Variants in HEYL observed in about 807,000 individuals in gnomAD.
The protein encoded by HEYL is hes related family bHLH transcription factor with YRPW motif like.
Under a neutral mutation model 18.6 loss-of-function variants are expected in HEYL, and 12 were observed. The observed-to-expected ratio is 0.65, with a 90% confidence interval of 0.41 to 1.05. The LOEUF (loss-of-function observed/expected upper bound fraction) is 1.05. Ranked by LOEUF, HEYL falls within the 50% of genes least tolerant of loss-of-function variation. HEYL has a pLI of 0.00. For synonymous variants in HEYL, 159 were observed against 179.6 expected (o/e 0.89, Z 0.91); for missense variants, 420 against 444.7 (o/e 0.94, Z 0.50).
intron 1 of HEYL, among the ~76,000 whole-genome samples, chr1:39,634,181 C>T (rs555486842): frequency 5.9e-5 from 9 of 152,232 alleles, no homozygotes; most frequent in South Asian, 2.1e-4. Flanking sequence ...CTACAACCTC[C>T]GCCACCCGGT....
intron 1 of HEYL, 41 bp from the exon 2 acceptor site, chr1:39,632,756 A>G (rs528765528): frequency 2.5e-6 from 4 of 1,610,588 alleles, no homozygotes; most frequent in Middle Eastern, 1.7e-4. Flanking sequence ...GGGCTGGGGG[A>G]CAGTCTCCCC....
At position 39,625,042 on chromosome 1, in the gene HEYL, A is replaced by G. The variant is rs1187193111; in HGVS notation, c.*1465T>C. On this transcript the variant is annotated 3_prime_UTR_variant, in exon 5 of 5. Coordinates refer to ENST00000372852, the MANE Select transcript of HEYL (RefSeq NM_014571.4). ...TCTTCCCAGGGGTGACAACTGAAGT[A>G]TCTAACCAGTGTGGAATGAGCACCA... The G allele has an allele frequency of 6.6e-6, 1 of 152,178 alleles. No individual in the cohort carries two copies. The allele number at this position is 152,178 out of a possible 1,614,324, so 9.4% of individuals were successfully genotyped here.
rs2124097690 is a variant in HEYL at position 39,623,852 on chromosome 1, A to C, written c.*2655T>G. Among the ~76,000 whole-genome samples the C allele has an allele frequency of 6.6e-6, 1 of 152,352 alleles. No homozygotes were observed. The highest frequency in any genetic ancestry group is 2.1e-4 in the South Asian group (1 of 4,826). On this transcript the variant is annotated 3_prime_UTR_variant, in exon 5 of 5. Coordinates refer to ENST00000372852, the MANE Select transcript of HEYL (RefSeq NM_014571.4). ...AAGGAAGGGCAGGTGGCAGAAGCTC[A>C]GGGAGCAAGTCTGGGACTGGCAAGA...
intron 1 of HEYL, among the ~76,000 whole-genome samples, chr1:39,635,049 T>A (rs1646355438): frequency 6.6e-6 from 1 of 152,240 alleles, no homozygotes; most frequent in African/African-American, 2.4e-5. Context: ...ATCATTTTCA[T>A]CAACTGCTCA....
rs2124106469 is a variant in HEYL at position 39,627,089 on chromosome 1, A to G, written c.405T>C (p.Leu135=). 1 of 1,614,140 alleles carries G rather than the reference A, an allele frequency of 6.2e-7. No individual in the cohort carries two copies. The highest frequency in any genetic ancestry group is 8.5e-7 in the Non-Finnish European group (1 of 1,179,980). The change falls in exon 5 of 5, where the codon CTT becomes CTC. Residue 135 remains leucine (L), a synonymous_variant. Coordinates refer to ENST00000372852, the MANE Select transcript of HEYL (RefSeq NM_014571.4). ...GGTCTGCACGGCTGCTGGGCCCTTC[A>G]AGGACCCCCAGGTACCTGATGACCT... ...LTEVIRYLGV[L]EGPSSRADPV... is the part of the protein sequence containing the mutation.
intron 1 of HEYL, 144 bp from the exon 2 acceptor site, chr1:39,632,859 C>A: frequency 2.0e-6 from 3 of 1,502,146 alleles, no homozygotes; most frequent in East Asian, 2.3e-5. Flanking sequence ...CATTTCAACC[C>A]GGGTCAAGTC....
intron 1 of HEYL, chr1:39,634,037 T>C (rs1646350266): frequency 6.6e-6 from 1 of 152,236 alleles, no homozygotes; most frequent in African/African-American, 2.4e-5. Flanking sequence ...AGAGTGATCA[T>C]TGAAATCTGA....
chr1:39,636,562 G>A (rs963332796), intron 1 of HEYL, among the ~76,000 whole-genome samples: 7 of 152,140 alleles, frequency 4.6e-5, no homozygotes, highest in Non-Finnish European at 8.8e-5. Context: ...CACCGTGCCC[G>A]GCCTCTAGTG....
In HEYL at chr1:39,623,636, G is replaced by A. The variant is rs1646279451; in HGVS notation, c.*2871C>T. Among the ~76,000 whole-genome samples the A allele has an allele frequency of 6.6e-6, 1 of 152,202 alleles. No individual in the cohort carries two copies. Among genetic ancestry groups the A allele is most frequent in the African/African-American group, 2.4e-5 (1 of 41,444 alleles). ...TTCTCCATGAAGGGAAAGAACAGAG[G>A]CCTTGTGATAGAGGAACTCCACAAG... is the stretch of plus-strand genomic sequence containing the variant. On this transcript the variant is annotated 3_prime_UTR_variant, in exon 5 of 5. Coordinates refer to ENST00000372852, the MANE Select transcript of HEYL (RefSeq NM_014571.4).
At position 39,623,806 on chromosome 1, in the gene HEYL, G is replaced by T; in HGVS notation, c.*2701C>A. On this transcript the variant is annotated 3_prime_UTR_variant, in exon 5 of 5. Coordinates refer to ENST00000372852, the MANE Select transcript of HEYL (RefSeq NM_014571.4). ...TGCAAAGTGCTGGAGGTGGGAACAAGGCTGGAATGTCGAGGAAATGAAGGA... is the reference window on the plus strand; with the variant it reads ...TGCAAAGTGCTGGAGGTGGGAACAATGCTGGAATGTCGAGGAAATGAAGGA... Among the ~76,000 whole-genome samples the T allele has an allele frequency of 6.6e-6, 1 of 152,200 alleles. No individual in the cohort carries two copies. Among genetic ancestry groups the T allele is most frequent in the Non-Finnish European group, 1.5e-5 (1 of 68,048 alleles).
chr1:39,632,018 C>A (rs1646336329), intron 2 of HEYL, among the ~76,000 whole-genome samples: 1 of 152,242 alleles, frequency 6.6e-6, no homozygotes, highest in South Asian at 2.1e-4. Context: ...CACACACTCT[C>A]ATTCTTCCCT....
chr1:39,629,091 T>A (rs1053768932), intron 4 of HEYL, among the ~76,000 whole-genome samples: 1 of 152,214 alleles, frequency 6.6e-6, no homozygotes, highest in Non-Finnish European at 1.5e-5. Flanking sequence ...CTAAAGCCTA[T>A]ACCGTGAACC....
Position 39,639,571 on chromosome 1 carries a change from C to T in HEYL, c.55G>A (p.Asp19Asn), listed in dbSNP as rs370029829. ...GSDGESDGPI[D>N]VGQEGQLSQM... The stretch of plus-strand genomic sequence containing the variant: ...CTCAGCTGGCCCTCTTGGCCCACGT[C>T]GATGGGTCCGTCGGACTCCCCGTCG... The change falls in exon 1 of 5, where the codon GAC (aspartate) becomes AAC (asparagine). Residue 19 changes from aspartate to asparagine, a missense_variant. Physicochemically the swap from Asp to Asn is conservative, Grantham distance 23. Transcript: ENST00000372852. The T allele has an allele frequency of 6.3e-7, 1 of 1,584,536 alleles. No homozygotes were observed. Among genetic ancestry groups the T allele is most frequent in the Non-Finnish European group, 8.5e-7 (1 of 1,169,696 alleles).
rs1316747699 is a variant in HEYL, at chr1:39,624,390, AT to A, written c.*2116del. On this transcript the variant is annotated 3_prime_UTR_variant, in exon 5 of 5. Coordinates refer to ENST00000372852, the MANE Select transcript of HEYL (RefSeq NM_014571.4). ...CCATCTCATTTCAGTGGCATCACAG[AT>A]TCTTTGGAGTTGCATGCTTGCAACG... The A allele has an allele frequency of 6.6e-6, 1 of 152,218 alleles. No homozygotes were observed. The highest frequency in any genetic ancestry group is 1.9e-4 in the East Asian group (1 of 5,200). 9.4% of individuals were successfully genotyped at this position (152,218 alleles called of 1,614,324 possible).
intron 1 of HEYL, chr1:39,633,921 A>C (rs1646349751): frequency 6.6e-6 from 1 of 152,344 alleles, no homozygotes; most frequent in African/African-American, 2.4e-5. Context: ...CACTTCTCTC[A>C]ATGCTACGCC....
At position 39,623,758 on chromosome 1, in the gene HEYL, T is replaced by C. The variant is rs1570434439; in HGVS notation, c.*2749A>G. On this transcript the variant is annotated 3_prime_UTR_variant, in exon 5 of 5. Coordinates refer to ENST00000372852, the MANE Select transcript of HEYL (RefSeq NM_014571.4). ...CCATGCACAGGGTAGGGGAAGAGCA[T>C]TCTTGGCAAAGGGAACAGCATATGC... Among the ~76,000 whole-genome samples, 1 of 152,062 alleles carries C rather than the reference T, an allele frequency of 6.6e-6. No homozygotes were observed. Among genetic ancestry groups the C allele is most frequent in the African/African-American group, 2.4e-5 (1 of 41,382 alleles).
At chr1:39,639,518 T>C in intron 1 of HEYL, 28 bp downstream of exon 1, 1 of 1,554,606 alleles carries the variant, frequency 6.4e-7, no homozygotes, top group Non-Finnish European at 8.7e-7. Flanking sequence ...GCCCTCCGCC[T>C]GCTCGGTCCC....
rs757295233 is a variant in HEYL at position 39,639,576 on chromosome 1, G to T, written c.50C>A (p.Pro17His). ...CTGGCCCTCTTGGCCCACGTCGATG[G>T]GTCCGTCGGACTCCCCGTCGGAGCC... is the stretch of plus-strand genomic sequence containing the variant. The part of the protein sequence containing the change: ...PSGSDGESDG[P>H]IDVGQEGQLS... The change falls in exon 1 of 5, where the codon CCC (proline) becomes CAC (histidine). Residue 17 changes from proline to histidine, a missense_variant. Transcript: ENST00000372852. 2.5e-6 allele frequency: 4 copies of T among 1,583,504 alleles called. No individual in the cohort carries two copies. Among genetic ancestry groups the T allele is most frequent in the Non-Finnish European group, 3.4e-6 (4 of 1,169,350 alleles).
At position 39,625,504 on chromosome 1, in the gene HEYL, G is replaced by A. The variant is rs1382527527; in HGVS notation, c.*1003C>T. On this transcript the variant is annotated 3_prime_UTR_variant, in exon 5 of 5. Transcript: ENST00000372852. ...ATTTTTGTCCAGCCTGACAGTCCTT[G>A]GCTGTTCCAGCAGTCTGGGCTCTGT... 6.6e-6 allele frequency: 1 copy of A among 152,284 alleles called. No homozygotes were observed. The highest frequency in any genetic ancestry group is 1.5e-5 in the Non-Finnish European group (1 of 68,090). 9.4% of individuals were successfully genotyped at this position (152,284 alleles called of 1,614,324 possible).
Sources: gnomAD v4.1 joint callset for allele counts (sites outside exome capture counted in the v4.1 genomes callset) on GRCh38, gnomAD v4.1.1 for gene constraint, MANE v1.5 for transcripts, NCBI Gene and HGNC (gene_info 2026-07-23, HGNC 2026-07-21) for gene names.